The following DLG2 variants were observed in gnomAD, a reference collection of about 807,000 sequenced individuals.
DLG2 encodes disks large homolog 2.
Under a neutral mutation model 132.5 loss-of-function variants are expected in DLG2, and 45 were observed. The ratio of observed to expected loss-of-function variants is 0.34; its 90% CI spans 0.27 to 0.44. DLG2 has a LOEUF of 0.44. Among genes scored for constraint, DLG2 ranks in the 20% least tolerant of loss-of-function variants. DLG2 has a pLI of 1.00. For missense variants in DLG2, 1,045 were observed against 1,196.9 expected (o/e 0.87, Z 1.87); for synonymous variants, 424 against 419.6 (o/e 1.01, Z -0.13).
At chr11:83,848,385 A>C (rs1449704206) in intron 16 of DLG2, among the ~76,000 whole-genome samples, 1 of 152,154 alleles carries the variant, frequency 6.6e-6, no homozygotes, top group East Asian at 1.9e-4. Flanking sequence ...CCACTAATTC[A>C]TATCTCTAGC....
chr11:83,900,449 C>G (rs1457589086), intron 15 of DLG2, among the ~76,000 whole-genome samples: 1 of 152,162 alleles, frequency 6.6e-6, no homozygotes, highest in Non-Finnish European at 1.5e-5. Flanking sequence ...GTTTTGTGGG[C>G]TGGTCCCAGG....
At chr11:83,995,055 C>T (rs903663750) in intron 11 of DLG2, among the ~76,000 whole-genome samples, 38 of 151,420 alleles carry the variant, frequency 2.5e-4, no homozygotes, top group African/African-American at 7.3e-4. Flanking sequence ...TTAACTTGAC[C>T]GTTAGCAAAG....
chr11:83,945,902 C>A (rs1470868275), intron 14 of DLG2, among the ~76,000 whole-genome samples: 1 of 144,764 alleles, frequency 6.9e-6, no homozygotes, highest in African/African-American at 2.5e-5. Flanking sequence ...ACATGATTTT[C>A]CTTCTCTTTC....
intron 15 of DLG2, among the ~76,000 whole-genome samples, chr11:83,911,030 T>C (rs1453694470): frequency 2.0e-5 from 3 of 152,048 alleles, no homozygotes; most frequent in Non-Finnish European, 4.4e-5. Context: ...TGGCCTAAAG[T>C]AGGCAAAACA....
intron 17 of DLG2, among the ~76,000 whole-genome samples, chr11:83,805,744 C>G (rs1376533): frequency 3.3e-5 from 5 of 152,066 alleles, no homozygotes; most frequent in African/African-American, 4.8e-5. Context: ...TTTCTTAGCC[C>G]TATATTTAAG....
intron 16 of DLG2, among the ~76,000 whole-genome samples, chr11:83,871,723 T>A (rs1024779003): frequency 6.6e-6 from 1 of 152,230 alleles, no homozygotes; most frequent in Non-Finnish European, 1.5e-5. Context: ...TTACTGAGAC[T>A]TCGCCTTCTA....
chr11:84,398,625 G>A (rs1047003076), intron 7 of DLG2, among the ~76,000 whole-genome samples: 23 of 152,172 alleles, frequency 1.5e-4, no homozygotes, highest in African/African-American at 5.3e-4. Flanking sequence ...AAACAATCCA[G>A]TAGTGTAGGT....
rs140640112 is a variant in DLG2, at chr11:85,310,744, T to C, written c.41-25379A>G. Reference sequence around the variant, plus strand: ...GCCATCGTGCTATTCTGGGCTCTTATATAACATTTATATCTGATGCTATAA... The same window carrying C: ...GCCATCGTGCTATTCTGGGCTCTTACATAACATTTATATCTGATGCTATAA... On this transcript the variant is annotated intron_variant, in intron 3 of 27. Transcript: ENST00000376104. Among the ~76,000 whole-genome samples, 30 of 152,340 alleles carry C rather than the reference T, an allele frequency of 2.0e-4. 1 individual carries two copies. Among genetic ancestry groups the C allele is most frequent in the African/African-American group, 6.0e-4 (25 of 41,572 alleles).
chr11:85,591,160 T>C (rs778412966), intron 3 of DLG2, among the ~76,000 whole-genome samples: 1 of 152,196 alleles, frequency 6.6e-6, no homozygotes, highest in Non-Finnish European at 1.5e-5. Context: ...TACTTGATCC[T>C]GCCTGACATG....
chr11:83,840,993 T>C (rs1375191894), intron 16 of DLG2, among the ~76,000 whole-genome samples: 1 of 152,194 alleles, frequency 6.6e-6, no homozygotes, highest in East Asian at 1.9e-4. Context: ...ACCCATGATC[T>C]TCATGATAAA....
chr11:84,316,992 G>A, intron 7 of DLG2: 2 of 1,612,756 alleles, frequency 1.2e-6, no homozygotes, highest in Non-Finnish European at 1.7e-6. Context: ...CCTGAGGAGG[G>A]CATGGTCTGA....
intron 6 of DLG2, among the ~76,000 whole-genome samples, chr11:84,667,811 T>C (rs2099701491): frequency 6.6e-6 from 1 of 151,918 alleles, no homozygotes; most frequent in Admixed American, 6.6e-5. Context: ...ATTAAAGAGA[T>C]TTTTAGTAAC....
At chr11:84,448,253 T>C (rs1398592839) in intron 7 of DLG2, among the ~76,000 whole-genome samples, 1 of 152,008 alleles carries the variant, frequency 6.6e-6, no homozygotes, top group Non-Finnish European at 1.5e-5. Context: ...TTCATGGAGG[T>C]GAAGTGCTAG....
chr11:85,075,785 A>T (rs2066460645), intron 6 of DLG2, among the ~76,000 whole-genome samples: 1 of 151,896 alleles, frequency 6.6e-6, no homozygotes, highest in Admixed American at 6.6e-5. Context: ...ATGTGCAAAA[A>T]CCAAGGTCTG....
chr11:84,537,622 C>T (rs528415752), intron 6 of DLG2, among the ~76,000 whole-genome samples: 1 of 152,248 alleles, frequency 6.6e-6, no homozygotes, highest in Admixed American at 6.5e-5. Flanking sequence ...TGTGCATGTT[C>T]CCATAACTCC....
intron 15 of DLG2, among the ~76,000 whole-genome samples, chr11:83,897,812 A>G (rs1373331117): frequency 6.6e-6 from 1 of 152,160 alleles, no homozygotes; most frequent in Non-Finnish European, 1.5e-5. Context: ...CTAAAATAAT[A>G]ATGAGAATAC....
chr11:84,056,783 T>C (rs927517950), intron 11 of DLG2, among the ~76,000 whole-genome samples: 1 of 152,132 alleles, frequency 6.6e-6, no homozygotes, highest in Non-Finnish European at 1.5e-5. Context: ...ATGACTAAAA[T>C]AGTTTTTCTG....
At chr11:85,409,690 G>C (rs1357931349) in intron 3 of DLG2, among the ~76,000 whole-genome samples, 1 of 151,768 alleles carries the variant, frequency 6.6e-6, no homozygotes, top group East Asian at 1.9e-4. Flanking sequence ...ATATATCTGG[G>C]GGGGTGGAGA....
At chr11:84,716,900 T>TA (rs927512514) in intron 6 of DLG2, among the ~76,000 whole-genome samples, 1 of 152,014 alleles carries the variant, frequency 6.6e-6, no homozygotes, top group Non-Finnish European at 1.5e-5. Flanking sequence ...GTGTTGTACT[T>TA]ACGTTTGTAT....
Sources: gnomAD v4.1 joint callset for allele counts (sites outside exome capture counted in the v4.1 genomes callset) on GRCh38, gnomAD v4.1.1 for gene constraint, MANE v1.5 for transcripts, NCBI Gene and HGNC (gene_info 2026-07-23, HGNC 2026-07-21) for gene names.